FHIT: variants seen among roughly 807,000 people sequenced by gnomAD.
The protein encoded by FHIT is fragile histidine triad diadenosine triphosphatase, also known as bis(5'-adenosyl)-triphosphatase.
In FHIT, 19 loss-of-function variants were observed where a neutral mutation model predicts 17.9. The ratio of observed to expected loss-of-function variants is 1.06; its 90% confidence interval spans 0.74 to 1.56. The LOEUF (loss-of-function observed/expected upper bound fraction) is 1.56, where lower values mean the gene tolerates loss of function less well. Among genes scored for constraint, FHIT ranks in the 40% most tolerant of loss-of-function variants. The probability of loss-of-function intolerance (pLI) is 0.00; values close to 1 mark genes in which losing one functional copy is unlikely to be tolerated. For synonymous variants in FHIT, 81 were observed against 69.7 expected (o/e 1.16, Z -0.81); for missense variants, 248 against 189.2 (o/e 1.31, Z -1.82).
intron 1 of FHIT, among the ~76,000 whole-genome samples, chr3:61,207,921 A>G (rs1468373982): frequency 2.0e-5 from 3 of 152,004 alleles, no homozygotes; most frequent in Admixed American, 6.6e-5. Flanking sequence ...TGGCACTTTT[A>G]GATCTTTCCT....
chr3:60,692,425 C>T (rs2041013688), intron 4 of FHIT, among the ~76,000 whole-genome samples: 1 of 152,134 alleles, frequency 6.6e-6, no homozygotes, highest in Non-Finnish European at 1.5e-5. Flanking sequence ...GATTATCCTC[C>T]AGTACCAGGG....
chr3:60,259,933 A>AAG (rs1706207107), intron 5 of FHIT, among the ~76,000 whole-genome samples: 1 of 152,018 alleles, frequency 6.6e-6, no homozygotes, highest in African/African-American at 2.4e-5. Context: ...GAGGGAAAGC[A>AAG]AGAGGCTGGG....
intron 5 of FHIT, among the ~76,000 whole-genome samples, chr3:60,496,041 T>C (rs1001645342): frequency 6.6e-6 from 1 of 152,134 alleles, no homozygotes; most frequent in Non-Finnish European, 1.5e-5. Flanking sequence ...AAAACATTAA[T>C]ACATTAGAAA....
At chr3:60,557,263 C>T (rs543630505) in intron 4 of FHIT, among the ~76,000 whole-genome samples, 63 of 152,272 alleles carry the variant, frequency 4.1e-4, no homozygotes, top group Non-Finnish European at 8.4e-4. Context: ...AGGTATGTGA[C>T]ACTGGTCTCC....
chr3:60,706,644 A>C (rs1156815810), intron 4 of FHIT, among the ~76,000 whole-genome samples: 2 of 152,178 alleles, frequency 1.3e-5, no homozygotes, highest in Non-Finnish European at 2.9e-5. Context: ...ACACTATGGA[A>C]AGTTTTATAA....
Position 60,369,779 on chromosome 3 carries a change from T to C in FHIT, c.103+167081A>G, listed in dbSNP as rs574710117. Among the ~76,000 whole-genome samples, 5 of 152,302 alleles carry C rather than the reference T, an allele frequency of 3.3e-5. No individual in the cohort carries two copies. The South Asian group carries it at 8.3e-4, about 25-fold the overall frequency. ...ATTGTGTGACCTTCAGTGCCTCTGT[T>C]AAGCATTCAGTTCTGCAGAAGGCAC... is the stretch of plus-strand genomic sequence containing the variant. On this transcript the variant is annotated intron_variant, in intron 5 of 9. Coordinates refer to ENST00000492590, the MANE Select transcript of FHIT (RefSeq NM_002012.4).
chr3:60,470,929 T>C (rs1477736384), intron 5 of FHIT, among the ~76,000 whole-genome samples: 3 of 152,168 alleles, frequency 2.0e-5, no homozygotes, highest in Admixed American at 2.0e-4. Flanking sequence ...TAGCAGGTGA[T>C]GCACTCTGCA....
intron 3 of FHIT, among the ~76,000 whole-genome samples, chr3:60,898,725 C>T (rs73097821): frequency 2.1e-3 from 321 of 152,242 alleles, no homozygotes; most frequent in Non-Finnish European, 3.2e-3. Context: ...TCAGTCTTTA[C>T]GATGTTAAAA....
chr3:61,215,610 C>T (rs1457151221), intron 1 of FHIT, among the ~76,000 whole-genome samples: 2 of 152,168 alleles, frequency 1.3e-5, no homozygotes, highest in African/African-American at 4.8e-5. Context: ...CATCAAGCTA[C>T]CAATGACTTT....
intron 8 of FHIT, among the ~76,000 whole-genome samples, chr3:59,874,985 G>A (rs916216775): frequency 6.6e-6 from 1 of 152,222 alleles, no homozygotes; most frequent in African/African-American, 2.4e-5. Context: ...TTCGGCAAGT[G>A]CTTCCCTTTT....
At chr3:60,407,617 C>T (rs559585755) in intron 5 of FHIT, among the ~76,000 whole-genome samples, 4 of 152,246 alleles carry the variant, frequency 2.6e-5, no homozygotes, top group South Asian at 2.1e-4. Context: ...ACAGTTCAAG[C>T]GATCCTCCTA....
intron 4 of FHIT, among the ~76,000 whole-genome samples, chr3:60,817,158 C>T (rs1701768904): frequency 6.6e-6 from 1 of 151,966 alleles, no homozygotes; most frequent in Non-Finnish European, 1.5e-5. Context: ...TTTGCCACTG[C>T]CTCCATTCTT....
At chr3:60,129,842 T>G (rs1221089992) in intron 5 of FHIT, among the ~76,000 whole-genome samples, 2 of 152,208 alleles carry the variant, frequency 1.3e-5, no homozygotes, top group Non-Finnish European at 2.9e-5. Context: ...ATACTGAACT[T>G]TTAATTCTTA....
intron 3 of FHIT, among the ~76,000 whole-genome samples, chr3:61,040,354 G>A (rs963472955): frequency 3.3e-5 from 5 of 152,186 alleles, no homozygotes; most frequent in African/African-American, 1.2e-4. Context: ...AGCATGATCA[G>A]TGCAAACCTT....
chr3:61,010,282 T>C (rs897056435), intron 3 of FHIT, among the ~76,000 whole-genome samples: 16 of 152,026 alleles, frequency 1.1e-4, no homozygotes, highest in African/African-American at 3.6e-4. Context: ...AAACTGTAAA[T>C]ACATTTAACT....
At chr3:60,040,075 T>A (rs1227928382) in intron 5 of FHIT, among the ~76,000 whole-genome samples, 1 of 152,222 alleles carries the variant, frequency 6.6e-6, no homozygotes, top group African/African-American at 2.4e-5. Flanking sequence ...ATGACACCCA[T>A]AAACATGTCC....
chr3:60,737,632 G>A (rs1332786505), intron 4 of FHIT, among the ~76,000 whole-genome samples: 6 of 152,158 alleles, frequency 3.9e-5, no homozygotes, highest in South Asian at 2.1e-4. Context: ...CAGCTGCATC[G>A]TATGGTGCAA....
intron 8 of FHIT, 118 bp from the exon 9 acceptor site, chr3:59,752,439 T>C: frequency 1.6e-6 from 1 of 619,392 alleles, no homozygotes; most frequent in South Asian, 1.9e-5. Flanking sequence ...AGTAGGTGTA[T>C]CTTTTAATTG....
At chr3:61,199,114 C>T (rs75807609) in intron 2 of FHIT, among the ~76,000 whole-genome samples, 7,169 of 152,218 alleles carry the variant, frequency 0.047, 249 homozygotes, top group South Asian at 0.09. Context: ...ATAAGTTGTC[C>T]GCAGTCCAAC....
Sources: allele counts gnomAD v4.1 joint callset (sites outside exome capture counted in the v4.1 genomes callset), GRCh38; gene constraint gnomAD v4.1.1; transcripts MANE v1.5; gene names NCBI Gene and HGNC (gene_info 2026-07-23, HGNC 2026-07-21).